The following KMO variants were observed in gnomAD, a reference collection of about 807,000 sequenced individuals.
KMO encodes kynurenine 3-monooxygenase, also known as kynurenine 3-hydroxylase.
KMO carries 24 observed loss-of-function variants against 57.8 expected under a neutral mutation model. That is an observed-to-expected ratio of 0.42 (90% CI 0.30 to 0.58). The LOEUF (loss-of-function observed/expected upper bound fraction) is 0.58. Among genes scored for constraint, KMO ranks in the 20% least tolerant of loss-of-function variants. The pLI is 0.22. For missense variants in KMO, 483 were observed against 588.2 expected, an observed-to-expected ratio of 0.82 and a Z score of 1.85; for synonymous variants, 210 against 193.6, an observed-to-expected ratio of 1.08 and a Z score of -0.70.
chr1:241,562,862 A>AGAAGGAAGGAAG (rs1173823057), intron 7 of KMO, among the ~76,000 whole-genome samples: 5 of 104,502 alleles, frequency 4.8e-5, no homozygotes, highest in African/African-American at 1.4e-4. Flanking sequence ...AAGGAAGGAA[A>AGAAGGAAGGAAG]GAAGGAAGGA....
intron 1 of KMO, among the ~76,000 whole-genome samples, chr1:241,540,293 C>G (rs1417284224): frequency 6.6e-6 from 1 of 152,100 alleles, no homozygotes. Flanking sequence ...TGGGAATTTA[C>G]TGCCTGGTGG....
At chr1:241,571,988 TC>T (rs1662301364) in intron 10 of KMO, among the ~76,000 whole-genome samples, 1 of 146,246 alleles carries the variant, frequency 6.8e-6, no homozygotes, top group Non-Finnish European at 1.5e-5. Context: ...TGCCACAGCC[TC>T]CCCAGTAGCT....
intron 4 of KMO, among the ~76,000 whole-genome samples, chr1:241,552,871 C>A (rs1299197164): frequency 6.6e-6 from 1 of 152,158 alleles, no homozygotes; most frequent in African/African-American, 2.4e-5. Context: ...CCCATCTTCT[C>A]CCCAAATTGC....
At position 241,592,775 on chromosome 1, in the gene KMO, T is replaced by TATCATCTA. The variant is rs1663360580; in HGVS notation, c.*625_*626insATCTAATC. On this transcript the variant is annotated 3_prime_UTR_variant, in exon 15 of 15. Transcript: ENST00000366559. ...TCTATCATCTATCTATCTATCTATC[T>TATCATCTA]ATCTATCTATCTATCTATCTATCTC... is the stretch of plus-strand genomic sequence containing the variant. 1 of 148,280 alleles carries TATCATCTA rather than the reference T, an allele frequency of 6.7e-6. No individual in the cohort carries two copies. 9.2% of individuals were successfully genotyped at this position (148,280 alleles called of 1,614,324 possible). A position where few individuals can be genotyped will look rare whatever the true frequency, so the allele number is the denominator to read the frequency against.
At chr1:241,533,871 G>A (rs867618752) in intron 1 of KMO, among the ~76,000 whole-genome samples, 6 of 152,320 alleles carry the variant, frequency 3.9e-5, no homozygotes, top group Middle Eastern at 3.4e-3. Context: ...CCAGAGACCT[G>A]AATGATCAGA....
rs57587351 is a variant in KMO at position 241,588,329 on chromosome 1, CTTTTTTTTTTT to C, written c.1016-405_1016-395del. ...GGACAAATTTTCTCATCTTTTTTTTCTTTTTTTTTTTTTTTTTTTTTTTTGGTTATTTCCCA... is the reference window on the plus strand; with the variant it reads ...GGACAAATTTTCTCATCTTTTTTTTCTTTTTTTTTTTTTGGTTATTTCCCA... On this transcript the variant is annotated intron_variant, in intron 11 of 14. Transcript: ENST00000366559. Among the ~76,000 whole-genome samples, 491 of 98,420 alleles carry C rather than the reference CTTTTTTTTTTT, an allele frequency of 5.0e-3. 2 individuals are homozygous for C. Among genetic ancestry groups the C allele is most frequent in the African/African-American group, 0.017 (435 of 25,922 alleles). 64.6% of individuals were successfully genotyped at this position (98,420 alleles called of 152,430 possible). A position where few individuals can be genotyped will look rare whatever the true frequency, so the allele number is the denominator to read the frequency against.
In KMO at chr1:241,594,929, C is replaced by T; in HGVS notation, c.*2776C>T. The T allele has an allele frequency of 2.2e-6, 1 of 452,954 alleles. No individual in the cohort carries two copies. The highest frequency in any genetic ancestry group is 2.0e-5 in the African/African-American group (1 of 50,818). 28.1% of individuals were successfully genotyped at this position (452,954 alleles called of 1,614,324 possible). On this transcript the variant is annotated 3_prime_UTR_variant, in exon 15 of 15. Transcript: ENST00000366559. Reference sequence around the variant, plus strand: ...AGGACCATTTCAATACCTTGTAATCCTCCAAGCTTCAATCTGCACACACTT... The same window carrying T: ...AGGACCATTTCAATACCTTGTAATCTTCCAAGCTTCAATCTGCACACACTT...
At chr1:241,585,318 TAAAC>T (rs1380942388) in intron 10 of KMO, among the ~76,000 whole-genome samples, 1 of 152,144 alleles carries the variant, frequency 6.6e-6, no homozygotes, top group African/African-American at 2.4e-5. Context: ...TGAATTAACT[TAAAC>T]AAAAGAATAT....
Position 241,562,862 on chromosome 1 carries a change from A to AGAAG in KMO, c.615+582_615+585dup, listed in dbSNP as rs1173823057. Among the ~76,000 whole-genome samples, 466 of 104,536 alleles carry AGAAG rather than the reference A, an allele frequency of 4.5e-3. 4 individuals carry two copies. Among genetic ancestry groups the AGAAG allele is most frequent in the Middle Eastern group, 0.02 (4 of 202 alleles). 68.6% of individuals were successfully genotyped at this position (104,536 alleles called of 152,430 possible). A position where few individuals can be genotyped will look rare whatever the true frequency, so the allele number is the denominator to read the frequency against. On this transcript the variant is annotated intron_variant, in intron 7 of 14. Coordinates refer to ENST00000366559, the MANE Select transcript of KMO (RefSeq NM_003679.5). ...TTGAAAGAAGGAAGGAAGGAAGGAA[A>AGAAG]GAAGGAAGGAAGGAAGGAAGGAAGG...
In KMO at chr1:241,567,823, G is replaced by T. The variant is rs550210490; in HGVS notation, c.810-677G>T. On this transcript the variant is annotated intron_variant, in intron 9 of 14. Transcript: ENST00000366559. ...TTAGACCTTGTGTACTTTCAAACTG[G>T]TTTCATGGCTATCTTTTGCCTTTCC... 2.6e-5 allele frequency among the ~76,000 whole-genome samples: 4 copies of T among 152,194 alleles called. No homozygotes were observed. The East Asian group carries it at 5.8e-4, about 22-fold the overall frequency.
At chr1:241,548,133 T>TA (rs1661220707) in intron 1 of KMO, among the ~76,000 whole-genome samples, 1 of 126,320 alleles carries the variant, frequency 7.9e-6, no homozygotes, top group Non-Finnish European at 1.9e-5. Flanking sequence ...TATAGGGTTT[T>TA]AAAAAATGGG....
At chr1:241,546,782 G>A (rs1046827122) in intron 1 of KMO, among the ~76,000 whole-genome samples, 3 of 152,184 alleles carry the variant, frequency 2.0e-5, no homozygotes, top group African/African-American at 7.2e-5. Context: ...CATACAAGAA[G>A]CTGTATCACT....
intron 1 of KMO, chr1:241,536,389 A>G: frequency 2.9e-6 from 1 of 348,784 alleles, no homozygotes; most frequent in Non-Finnish European, 4.0e-6. Flanking sequence ...TCTAAGCTAA[A>G]CAAGTGTCCT....
intron 11 of KMO, among the ~76,000 whole-genome samples, chr1:241,587,349 C>T (rs1459851234): frequency 4.6e-5 from 7 of 152,210 alleles, no homozygotes; most frequent in African/African-American, 9.6e-5. Flanking sequence ...TCCTGCTGTG[C>T]GGCCCAGTTC....
intron 1 of KMO, among the ~76,000 whole-genome samples, chr1:241,539,313 G>A (rs1166726278): frequency 6.6e-6 from 1 of 150,744 alleles, no homozygotes; most frequent in South Asian, 2.1e-4. Flanking sequence ...GAACCTGGGA[G>A]GCAAAGGTTT....
At chr1:241,568,391 T>C in intron 9 of KMO, 109 bp from the exon 10 acceptor site, 1 of 1,102,744 alleles carries the variant, frequency 9.1e-7, no homozygotes, top group Non-Finnish European at 1.3e-6. Context: ...CTTGGCATTC[T>C]TGTTTTTCAA....
chr1:241,555,235 A>T (rs560866677), intron 4 of KMO, among the ~76,000 whole-genome samples: 1 of 152,204 alleles, frequency 6.6e-6, no homozygotes, highest in South Asian at 2.1e-4. Flanking sequence ...CTTTGATTCT[A>T]GTGATACTGT....
chr1:241,556,740 T>A (rs1573915858), intron 5 of KMO, among the ~76,000 whole-genome samples: 1 of 151,626 alleles, frequency 6.6e-6, no homozygotes, highest in African/African-American at 2.4e-5. Flanking sequence ...AAAAAAAAAA[T>A]TAGCTGAGCG....
chr1:241,588,812 C>T lies in KMO; in HGVS notation c.1080C>T (p.Ser360=). Residue 360 remains serine, a synonymous_variant, in exon 12 of 15, where the codon TCC becomes TCT. Transcript: ENST00000366559. ...IPDDHAISDL[S]MYNYIEMRAH... ...ATGATCACGCGATTTCAGACCTATC[C>T]ATGTACAATTACATAGAGGTGAGTG... 6.2e-7 allele frequency: 1 copy of T among 1,611,386 alleles called. No individual in the cohort carries two copies.
Sources: gnomAD v4.1 joint callset for allele counts (sites outside exome capture counted in the v4.1 genomes callset) on GRCh38, gnomAD v4.1.1 for gene constraint, MANE v1.5 for transcripts, NCBI Gene and HGNC (gene_info 2026-07-23, HGNC 2026-07-21) for gene names.